Variants in CLIC6 observed in about 807,000 individuals in gnomAD.
CLIC6 encodes chloride intracellular channel protein 6.
A neutral mutation model predicts 49.2 loss-of-function variants in CLIC6; 39 were observed. That is an observed-to-expected ratio of 0.79 (90% CI 0.61 to 1.04). The LOEUF (loss-of-function observed/expected upper bound fraction) is 1.04. Among genes scored for constraint, CLIC6 ranks in the 50% least tolerant of loss-of-function variants. The probability of loss-of-function intolerance (pLI) is 0.00; values close to 1 mark genes in which losing one functional copy is unlikely to be tolerated. For missense variants in CLIC6, 988 were observed against 993.1 expected (o/e 0.99, Z 0.07); for synonymous variants, 446 against 433.4 (o/e 1.03, Z -0.36).
intron 1 of CLIC6, among the ~76,000 whole-genome samples, chr21:34,700,133 G>A (rs1990159982): frequency 6.6e-6 from 1 of 152,106 alleles, no homozygotes; most frequent in African/African-American, 2.4e-5. Flanking sequence ...GCATTCACCG[G>A]TGTCAGCTTC....
chr21:34,689,890 G>A (rs1020277703), intron 1 of CLIC6, among the ~76,000 whole-genome samples: 14 of 152,190 alleles, frequency 9.2e-5, no homozygotes, highest in Admixed American at 3.3e-4. Context: ...CCCCAACACA[G>A]CGTGAAATTA....
intron 1 of CLIC6, among the ~76,000 whole-genome samples, chr21:34,702,880 G>GC (rs1417336179): frequency 2.0e-5 from 3 of 152,128 alleles, no homozygotes; most frequent in Non-Finnish European, 4.4e-5. Flanking sequence ...GGGTCTTCTG[G>GC]CCCCTTTGTT....
At chr21:34,689,448 G>A (rs1037979065) in intron 1 of CLIC6, among the ~76,000 whole-genome samples, 3 of 152,190 alleles carry the variant, frequency 2.0e-5, no homozygotes, top group Admixed American at 6.5e-5. Flanking sequence ...TCCACGGTCT[G>A]TGTTTCAAAC....
intron 1 of CLIC6, among the ~76,000 whole-genome samples, chr21:34,689,944 T>G (rs1308418947): frequency 6.6e-6 from 1 of 152,236 alleles, no homozygotes; most frequent in Non-Finnish European, 1.5e-5. Context: ...ATTCTTCTCT[T>G]TTCCTTTTAG....
At chr21:34,671,067 A>G (rs1989555940) in intron 1 of CLIC6, among the ~76,000 whole-genome samples, 1 of 150,964 alleles carries the variant, frequency 6.6e-6, no homozygotes, top group Admixed American at 6.6e-5. Context: ...TTTGACCTGA[A>G]CATCCTAACC....
Position 34,716,664 on chromosome 21 carries a change from A to G in CLIC6, c.*182A>G. ...TAAAACATTAGTTTAATTTTCTTCA[A>G]AATGAAAATACTGCTTTGTAATTAC... On this transcript the variant is annotated 3_prime_UTR_variant, in exon 6 of 6. Coordinates refer to ENST00000349499, the MANE Select transcript of CLIC6 (RefSeq NM_053277.3). 1 of 462,414 alleles carries G rather than the reference A, an allele frequency of 2.2e-6. No individual in the cohort carries two copies. The highest frequency in any genetic ancestry group is 3.8e-6 in the Non-Finnish European group (1 of 264,366). The allele number at this position is 462,414 out of a possible 1,614,324, so 28.6% of individuals were successfully genotyped here. A position where few individuals can be genotyped will look rare whatever the true frequency, so the allele number is the denominator to read the frequency against.
At chr21:34,680,542 C>G (rs1989758181) in intron 1 of CLIC6, among the ~76,000 whole-genome samples, 1 of 152,210 alleles carries the variant, frequency 6.6e-6, no homozygotes, top group African/African-American at 2.4e-5. Context: ...TTTTCTTTTT[C>G]TATCACATCA....
chr21:34,708,107 C>A lies in CLIC6; in HGVS notation c.1610+38C>A, dbSNP rs183926161. The A allele has an allele frequency of 3.4e-4, 546 of 1,610,642 alleles. 5 individuals carry two copies. The African/African-American group carries it at 6.5e-3, about 19-fold the overall frequency. On this transcript the variant is annotated intron_variant, in intron 3 of 5. Transcript: ENST00000349499. ...AAACCAGTGTTCATAACTTGATTGT[C>A]ACTTTCCCCCACTAGTAGTCAGTTC...
chr21:34,683,638 C>T (rs984405261), intron 1 of CLIC6, among the ~76,000 whole-genome samples: 1 of 152,176 alleles, frequency 6.6e-6, no homozygotes, highest in African/African-American at 2.4e-5. Flanking sequence ...GAAGCAGTTT[C>T]CTCCATGTTG....
intron 4 of CLIC6, 66 bp downstream of exon 4, chr21:34,708,872 C>G: frequency 8.8e-7 from 1 of 1,137,878 alleles, no homozygotes; most frequent in Non-Finnish European, 1.3e-6. Context: ...GCGGCCCATA[C>G]GCTCCTGGGG....
intron 5 of CLIC6, among the ~76,000 whole-genome samples, chr21:34,713,759 A>C (rs1396699806): frequency 1.3e-5 from 2 of 152,228 alleles, no homozygotes; most frequent in African/African-American, 4.8e-5. Flanking sequence ...AGTTTAAATG[A>C]CATGCCATGT....
intron 5 of CLIC6, among the ~76,000 whole-genome samples, chr21:34,714,580 C>T (rs183928721): frequency 3.0e-4 from 45 of 151,630 alleles, no homozygotes; most frequent in South Asian, 1.9e-3. Context: ...CCCAGCTACT[C>T]GGGAGGCTGA....
intron 1 of CLIC6, among the ~76,000 whole-genome samples, chr21:34,691,208 C>G (rs1333999879): frequency 6.6e-6 from 1 of 152,148 alleles, no homozygotes; most frequent in Non-Finnish European, 1.5e-5. Context: ...ACTAGGAACC[C>G]TTTAACTTGT....
intron 5 of CLIC6, among the ~76,000 whole-genome samples, chr21:34,711,374 A>G (rs2056055353): frequency 2.0e-5 from 3 of 152,080 alleles, no homozygotes; most frequent in Admixed American, 6.5e-5. Context: ...TCTACAAAAA[A>G]TAAAAAAATT....
Position 34,687,481 on chromosome 21 carries a change from G to A in CLIC6, c.1374+16719G>A, listed in dbSNP as rs138775930. ...TTAAATATGGATTAAAAATAGCCCC[G>A]GAGTTTTTAAAGCATAATTCATATA... On this transcript the variant is annotated intron_variant, in intron 1 of 5. Transcript: ENST00000349499. Among the ~76,000 whole-genome samples the A allele has an allele frequency of 1.1e-4, 16 of 152,234 alleles. No individual in the cohort carries two copies. The East Asian group carries it at 1.2e-3, about 11-fold the overall frequency.
chr21:34,699,415 C>CTTTTTTTT (rs10604054), intron 1 of CLIC6, among the ~76,000 whole-genome samples: 1 of 134,844 alleles, frequency 7.4e-6, no homozygotes. Flanking sequence ...CCATACCTGG[C>CTTTTTTTT]TTTTTTTTTT....
chr21:34,686,943 T>C (rs569586525), intron 1 of CLIC6, among the ~76,000 whole-genome samples: 5 of 152,312 alleles, frequency 3.3e-5, no homozygotes, highest in African/African-American at 1.2e-4. Context: ...CCTTCGTCAG[T>C]GCCACACGGA....
At chr21:34,683,926 T>G (rs1247492845) in intron 1 of CLIC6, among the ~76,000 whole-genome samples, 1 of 152,218 alleles carries the variant, frequency 6.6e-6, no homozygotes, top group East Asian at 1.9e-4. Flanking sequence ...AAAGGTTGTT[T>G]GAAAAAATAA....
At chr21:34,698,442 G>A (rs1410671380) in intron 1 of CLIC6, among the ~76,000 whole-genome samples, 1 of 151,440 alleles carries the variant, frequency 6.6e-6, no homozygotes, top group African/African-American at 2.4e-5. Context: ...GATAGGGAAG[G>A]GAAGGAAAGG....
Sources: gnomAD v4.1 joint callset for allele counts (sites outside exome capture counted in the v4.1 genomes callset) on GRCh38, gnomAD v4.1.1 for gene constraint, MANE v1.5 for transcripts, NCBI Gene and HGNC (gene_info 2026-07-23, HGNC 2026-07-21) for gene names.